The following NDRG1 variants were observed in gnomAD, a reference collection of about 807,000 sequenced individuals.
NDRG1 encodes protein NDRG1.
A neutral mutation model predicts 56.9 loss-of-function variants in NDRG1; 32 were observed. That is an observed-to-expected ratio of 0.56 (90% CI 0.42 to 0.76). The LOEUF (loss-of-function observed/expected upper bound fraction) is 0.76. Ranked by LOEUF, NDRG1 falls within the 30% of genes least tolerant of loss-of-function variation. The pLI is 0.00. For synonymous variants in NDRG1, 211 were observed against 204.1 expected (o/e 1.03, Z -0.29); for missense variants, 507 against 545.7 (o/e 0.93, Z 0.71).
At chr8:133,277,799 A>G (rs1857540698) in intron 3 of NDRG1, among the ~76,000 whole-genome samples, 1 of 152,188 alleles carries the variant, frequency 6.6e-6, no homozygotes, top group African/African-American at 2.4e-5. Context: ...GGGAAGCACC[A>G]CATCATTGGC....
At position 133,242,062 on chromosome 8, in the gene NDRG1, C is replaced by T. The variant is rs373637595; in HGVS notation, c.904G>A (p.Ala302Thr). The change falls in exon 15 of 16, where the codon GCT becomes ACT. Residue 302 changes from alanine (A) to threonine (T), a missense_variant. Transcript: ENST00000323851. ...TGCACGAAGTACTTGAAGGCCTCAGCGAGCTTGGCCGGCTGCGAGAGACAA... is the reference window on the plus strand; with the variant it reads ...TGCACGAAGTACTTGAAGGCCTCAGTGAGCTTGGCCGGCTGCGAGAGACAA... ...LPQISQPAKL[A>T]EAFKYFVQGM... 20 of 1,614,090 alleles carry T rather than the reference C, an allele frequency of 1.2e-5. No individual in the cohort carries two copies. Among genetic ancestry groups the T allele is most frequent in the South Asian group, 5.5e-5 (5 of 91,088 alleles).
intron 9 of NDRG1, among the ~76,000 whole-genome samples, chr8:133,252,704 G>A (rs1396402966): frequency 6.6e-6 from 1 of 151,678 alleles, no homozygotes; most frequent in Non-Finnish European, 1.5e-5. Flanking sequence ...CCAGAGTGGG[G>A]CCTCTATTCC....
chr8:133,239,530 G>A, intron 15 of NDRG1: 1 of 274,878 alleles, frequency 3.6e-6, no homozygotes, highest in Non-Finnish European at 7.2e-6. Flanking sequence ...GGAGCAGGGA[G>A]GACACCTGGG....
intron 2 of NDRG1, 133 bp from the exon 3 acceptor site, chr8:133,280,400 T>G: frequency 1.4e-6 from 1 of 718,740 alleles, no homozygotes. Context: ...CCTTAATTCC[T>G]CACAAAGGCA....
intron 14 of NDRG1, among the ~76,000 whole-genome samples, chr8:133,242,794 GA>G (rs5895180): frequency 0.73 from 111,118 of 151,644 alleles, 41,065 homozygotes; most frequent in African/African-American, 0.81. Flanking sequence ...ACAAAAGGAA[GA>G]AAAAAAGAGA....
intron 14 of NDRG1, among the ~76,000 whole-genome samples, chr8:133,244,042 C>A (rs946807595): frequency 6.6e-6 from 1 of 152,188 alleles, no homozygotes; most frequent in African/African-American, 2.4e-5. Flanking sequence ...TGGGCTGGAG[C>A]TCCTTGCGGC....
rs190574089 is a variant in NDRG1, at chr8:133,249,859, G to A, written c.698+581C>T. ...CATTTCTATCTCCTGTTCTGCGAGC[G>A]TGGCAGAGCGAGCTCAGCAGGTTGA... On this transcript the variant is annotated intron_variant, in intron 10 of 15. Transcript: ENST00000323851. Among the ~76,000 whole-genome samples, 128 of 152,362 alleles carry A rather than the reference G, an allele frequency of 8.4e-4. 1 individual carries two copies. The highest frequency in any genetic ancestry group is 3.0e-3 in the African/African-American group (124 of 41,596).
chr8:133,286,797 T>G (rs181081499), intron 1 of NDRG1, among the ~76,000 whole-genome samples: 2 of 152,330 alleles, frequency 1.3e-5, no homozygotes, highest in Admixed American at 1.3e-4. Flanking sequence ...TTGAACCATT[T>G]AGGAAGTGTC....
In NDRG1 at chr8:133,259,278, G is replaced by C. The variant is rs2233326; in HGVS notation, c.327-48C>G. 223,675 of 1,580,198 alleles carry C rather than the reference G, an allele frequency of 0.14. 18,230 individuals carry two copies. The highest frequency in any genetic ancestry group is 0.3 in the African/African-American group (21,895 of 74,112). On this transcript the variant is annotated intron_variant, in intron 5 of 15. Transcript: ENST00000323851. The stretch of plus-strand genomic sequence containing the variant: ...ATTAGTGAGCGCCCGGACAGAAACG[G>C]GTAATCCAAACAGGGACACGCTTGA...
Position 133,249,133 on chromosome 8 carries a change from C to T in NDRG1, c.699-362G>A, listed in dbSNP as rs1472564722. ...AGAGGGGCCACCTCCCAAATGCTCTCGCAGCCTCTTAGTTTAAGTCCCAGC... is the reference window on the plus strand; with the variant it reads ...AGAGGGGCCACCTCCCAAATGCTCTTGCAGCCTCTTAGTTTAAGTCCCAGC... On this transcript the variant is annotated intron_variant, in intron 10 of 15. Coordinates refer to ENST00000323851, the MANE Select transcript of NDRG1 (RefSeq NM_006096.4). Among the ~76,000 whole-genome samples the T allele has an allele frequency of 6.6e-5, 10 of 152,308 alleles. No individual in the cohort carries two copies. In the East Asian group the frequency reaches 1.5e-3, roughly 24 times the overall value.
intron 3 of NDRG1, among the ~76,000 whole-genome samples, chr8:133,270,334 T>C (rs1455674553): frequency 1.1e-4 from 16 of 152,244 alleles, no homozygotes. Context: ...TTTAAAACTA[T>C]GGCAGACTCT....
rs77991350 is a variant in NDRG1 at position 133,275,911 on chromosome 8, C to T, written c.99+4321G>A. Among the ~76,000 whole-genome samples the T allele has an allele frequency of 2.7e-4, 41 of 152,324 alleles. 2 individuals carry two copies. The East Asian group carries it at 6.8e-3, about 25-fold the overall frequency. On this transcript the variant is annotated intron_variant, in intron 3 of 15. Transcript: ENST00000323851. ...ACATTCTGTGCTCGGCAGTGCTGAG[C>T]TATTATTCCAGAATTTAGGTTCCTG...
intron 1 of NDRG1, among the ~76,000 whole-genome samples, chr8:133,289,936 T>G (rs913247587): frequency 6.6e-6 from 1 of 152,102 alleles, no homozygotes; most frequent in Admixed American, 6.6e-5. Context: ...ACAGTGTACG[T>G]CTATGGAGAT....
Position 133,254,611 on chromosome 8 carries a change from G to C in NDRG1, c.538-16C>G. 1 of 1,613,558 alleles carries C rather than the reference G, an allele frequency of 6.2e-7. No individual in the cohort carries two copies. The highest frequency in any genetic ancestry group is 2.2e-5 in the East Asian group (1 of 44,878). On this transcript the variant is annotated splice_polypyrimidine_tract_variant and intron_variant, in intron 8 of 15. Transcript: ENST00000323851. ...ATCCTGAGATCTGGAAAGGAGTAAA[G>C]TGGGTGGATGAGAAACCAGGAGCTA... is the stretch of plus-strand genomic sequence containing the variant.
intron 3 of NDRG1, among the ~76,000 whole-genome samples, chr8:133,272,435 G>C (rs1416253635): frequency 6.6e-6 from 1 of 152,234 alleles, no homozygotes; most frequent in Admixed American, 6.5e-5. Context: ...CTGTTTCACA[G>C]ATTAGGAAAC....
intron 3 of NDRG1, among the ~76,000 whole-genome samples, chr8:133,275,829 G>A (rs1031172658): frequency 1.3e-5 from 2 of 152,174 alleles, no homozygotes; most frequent in Non-Finnish European, 2.9e-5. Flanking sequence ...TCTCTCCGTA[G>A]GATGGGGACA....
intron 3 of NDRG1, among the ~76,000 whole-genome samples, chr8:133,274,626 G>A (rs1857360469): frequency 6.6e-6 from 1 of 152,206 alleles, no homozygotes; most frequent in Non-Finnish European, 1.5e-5. Context: ...ACAACTCATT[G>A]TCAGTAGGCT....
chr8:133,241,777 C>T, intron 15 of NDRG1: 1 of 590,298 alleles, frequency 1.7e-6, no homozygotes, highest in Non-Finnish European at 3.0e-6. Flanking sequence ...TCATCTAAAC[C>T]CCCCAAAATC....
chr8:133,246,202 G>A (rs942779057), intron 13 of NDRG1, among the ~76,000 whole-genome samples: 65 of 152,244 alleles, frequency 4.3e-4, no homozygotes, highest in Non-Finnish European at 7.3e-5. Flanking sequence ...ATCCAGCTGC[G>A]AGTGAGCTGG....
Sources: gnomAD v4.1 joint callset for allele counts (sites outside exome capture counted in the v4.1 genomes callset) on GRCh38, gnomAD v4.1.1 for gene constraint, MANE v1.5 for transcripts, NCBI Gene and HGNC (gene_info 2026-07-23, HGNC 2026-07-21) for gene names.